FRMD4B: variants seen among roughly 807,000 people sequenced by gnomAD.
FRMD4B encodes FERM domain containing 4B.
Under a neutral mutation model 141.5 loss-of-function variants are expected in FRMD4B, and 74 were observed. The ratio of observed to expected loss-of-function variants is 0.52; its 90% CI spans 0.43 to 0.63. The LOEUF (loss-of-function observed/expected upper bound fraction) is 0.63. Ranked by LOEUF, FRMD4B falls within the 30% of genes least tolerant of loss-of-function variation. The pLI is 0.00. For synonymous variants in FRMD4B, 506 were observed against 467.9 expected, an observed-to-expected ratio of 1.08 and a Z score of -1.05; for missense variants, 1,366 against 1,253.4, an observed-to-expected ratio of 1.09 and a Z score of -1.36.
intron 1 of FRMD4B, among the ~76,000 whole-genome samples, chr3:69,350,211 A>G (rs1290666752): frequency 6.6e-6 from 1 of 152,236 alleles, no homozygotes; most frequent in Non-Finnish European, 1.5e-5. Flanking sequence ...CAACCAATAG[A>G]CACATGAAAA....
At chr3:69,365,454 A>G (rs2107475504) in intron 1 of FRMD4B, among the ~76,000 whole-genome samples, 1 of 152,310 alleles carries the variant, frequency 6.6e-6, no homozygotes, top group South Asian at 2.1e-4. Flanking sequence ...TAGAATGTGG[A>G]CAAGAATGAT....
chr3:69,281,804 A>T (rs2107013875), intron 5 of FRMD4B, among the ~76,000 whole-genome samples: 1 of 139,236 alleles, frequency 7.2e-6, no homozygotes, highest in African/African-American at 2.7e-5. Flanking sequence ...AGCCTGGGTG[A>T]CAGAGTAAGA....
chr3:69,176,718 G>C (rs929500672), intron 21 of FRMD4B, 62 bp from the exon 22 acceptor site: 11 of 1,155,804 alleles, frequency 9.5e-6, no homozygotes, highest in Non-Finnish European at 1.4e-5. Context: ...AAATTGTTAA[G>C]GTCATTCAGA....
At chr3:69,250,663 T>C (rs572125400) in intron 5 of FRMD4B, among the ~76,000 whole-genome samples, 1 of 152,256 alleles carries the variant, frequency 6.6e-6, no homozygotes, top group South Asian at 2.1e-4. Flanking sequence ...CAGCAAATGC[T>C]TTGAAGACTA....
chr3:69,218,883 C>T (rs1575621843), intron 9 of FRMD4B, among the ~76,000 whole-genome samples: 2 of 152,116 alleles, frequency 1.3e-5, no homozygotes, highest in East Asian at 3.9e-4. Context: ...TCCCCCCAGG[C>T]TGGGCGCGGT....
At chr3:69,506,938 G>T (rs1706606174) in intron 1 of FRMD4B, among the ~76,000 whole-genome samples, 1 of 152,124 alleles carries the variant, frequency 6.6e-6, no homozygotes, top group Admixed American at 6.6e-5. Context: ...ACTTTCCAAG[G>T]TGTTAATTTC....
chr3:69,251,267 C>T (rs2093462293), intron 5 of FRMD4B, among the ~76,000 whole-genome samples: 1 of 152,108 alleles, frequency 6.6e-6, no homozygotes, highest in South Asian at 2.1e-4. Context: ...TTTCTTCCTC[C>T]CTTCCACCTC....
intron 1 of FRMD4B, among the ~76,000 whole-genome samples, chr3:69,476,689 T>C (rs1198994906): frequency 6.6e-6 from 1 of 151,958 alleles, no homozygotes; most frequent in Non-Finnish European, 1.5e-5. Flanking sequence ...CAATGAGGGC[T>C]CTTTTTTGGT....
intron 1 of FRMD4B, among the ~76,000 whole-genome samples, chr3:69,540,134 G>T (rs1451720748): frequency 6.6e-6 from 1 of 151,506 alleles, no homozygotes; most frequent in Non-Finnish European, 1.5e-5. Flanking sequence ...CAGAGGTTGC[G>T]GTGAGCCGCG....
Position 69,481,888 on chromosome 3 carries a change from G to T in FRMD4B, c.-128-49127C>A, listed in dbSNP as rs114918973. On this transcript the variant is annotated intron_variant, in intron 1 of 5. Transcript: ENST00000459638. ...AAAACAGTGGCTCCTACAGCAACCA[G>T]CGAAATAAGGTTTAACAGAGCCATT... Among the ~76,000 whole-genome samples the T allele has an allele frequency of 5.6e-3, 848 of 152,288 alleles. 8 individuals are homozygous for T. The highest frequency in any genetic ancestry group is 0.019 in the African/African-American group (804 of 41,546).
chr3:69,354,865 T>C (rs1358343370), intron 1 of FRMD4B, among the ~76,000 whole-genome samples: 6 of 152,152 alleles, frequency 3.9e-5, no homozygotes, highest in Non-Finnish European at 7.3e-5. Context: ...CAAATAGAAG[T>C]CACTTGATGA....
At chr3:69,462,735 C>G (rs914916225) in intron 1 of FRMD4B, among the ~76,000 whole-genome samples, 29 of 152,346 alleles carry the variant, frequency 1.9e-4, no homozygotes, top group African/African-American at 6.5e-4. Context: ...TGCTGTACAG[C>G]CAGGTAGCCA....
At chr3:69,338,080 G>A (rs1280566427) in intron 1 of FRMD4B, among the ~76,000 whole-genome samples, 1 of 152,190 alleles carries the variant, frequency 6.6e-6, no homozygotes, top group Non-Finnish European at 1.5e-5. Context: ...ATGATAGACT[G>A]GATTAAGAAA....
At chr3:69,218,573 C>G (rs1022597882) in intron 9 of FRMD4B, among the ~76,000 whole-genome samples, 194 bp from the exon 10 acceptor site, 1 of 152,138 alleles carries the variant, frequency 6.6e-6, no homozygotes, top group Non-Finnish European at 1.5e-5. Flanking sequence ...CAGGAAAATG[C>G]TAATAGAACC....
At chr3:69,257,315 G>C (rs2093498802) in intron 5 of FRMD4B, among the ~76,000 whole-genome samples, 1 of 152,190 alleles carries the variant, frequency 6.6e-6, no homozygotes, top group Admixed American at 6.5e-5. Context: ...TACTTCCAGT[G>C]TGTTGTTGAG....
At chr3:69,292,960 T>G (rs180984372) in intron 4 of FRMD4B, 1 of 442,822 alleles carries the variant, frequency 2.3e-6, no homozygotes, top group East Asian at 7.1e-5. Context: ...AGGCACACAT[T>G]TTGGAGACAA....
At chr3:69,393,737 G>A (rs1055689105) in intron 2 of FRMD4B, among the ~76,000 whole-genome samples, 1 of 151,906 alleles carries the variant, frequency 6.6e-6, no homozygotes, top group Non-Finnish European at 1.5e-5. Context: ...GTCATAAATT[G>A]GTCTATATAG....
chr3:69,457,610 T>C (rs1705640330), intron 1 of FRMD4B, among the ~76,000 whole-genome samples: 1 of 152,204 alleles, frequency 6.6e-6, no homozygotes, highest in Non-Finnish European at 1.5e-5. Flanking sequence ...ACGTTTGTTT[T>C]CCCTAAATTA....
intron 2 of FRMD4B, among the ~76,000 whole-genome samples, chr3:69,400,064 C>T (rs1704535254): frequency 6.6e-6 from 1 of 151,968 alleles, no homozygotes; most frequent in Admixed American, 6.6e-5. Flanking sequence ...TATGAGTGAC[C>T]CTACAAAAGG....
Sources: allele counts gnomAD v4.1 joint callset (sites outside exome capture counted in the v4.1 genomes callset), GRCh38; gene constraint gnomAD v4.1.1; transcripts MANE v1.5; gene names NCBI Gene and HGNC (gene_info 2026-07-23, HGNC 2026-07-21).